PCDH7: variants seen among roughly 807,000 people sequenced by gnomAD.
PCDH7 encodes protocadherin 7, also known as protocadherin-7.
In PCDH7, 17 loss-of-function variants were observed where a neutral mutation model predicts 58.9. That is an observed-to-expected ratio of 0.29 (90% CI 0.20 to 0.43). The LOEUF is 0.43. Ranked by LOEUF, PCDH7 falls within the 20% of genes least tolerant of loss-of-function variation. The pLI, the probability that PCDH7 is intolerant of heterozygous loss-of-function variation, is 1.00. For synonymous variants in PCDH7, 664 were observed against 616.4 expected (o/e 1.08, Z -1.14); for missense variants, 1,274 against 1,441.0 (o/e 0.88, Z 1.88).
intron 3 of PCDH7, among the ~76,000 whole-genome samples, chr4:31,038,491 A>G (rs2109199624): frequency 6.6e-6 from 1 of 151,968 alleles, no homozygotes. Flanking sequence ...ATGGAATAAG[A>G]AATTATAAAG....
At chr4:30,883,585 A>T (rs553979587) in intron 1 of PCDH7, among the ~76,000 whole-genome samples, 1 of 152,206 alleles carries the variant, frequency 6.6e-6, no homozygotes, top group Non-Finnish European at 1.5e-5. Flanking sequence ...CATGCACAAT[A>T]TGACTGTAAC....
intron 1 of PCDH7, among the ~76,000 whole-genome samples, chr4:30,894,506 TATATATATATACACACACACAC>T (rs1739087530): frequency 2.0e-5 from 1 of 50,334 alleles, no homozygotes; most frequent in Admixed American, 2.8e-4. Flanking sequence ...TATATATATA[TATATATATATACACACACACAC>T]ACACACACAC....
intron 3 of PCDH7, among the ~76,000 whole-genome samples, chr4:31,104,720 A>G (rs1212213506): frequency 1.3e-5 from 2 of 152,176 alleles, no homozygotes; most frequent in Admixed American, 1.3e-4. Context: ...CTTTACAAAC[A>G]GCATCTGAAT....
intron 3 of PCDH7, among the ~76,000 whole-genome samples, chr4:31,080,185 T>C (rs1219018905): frequency 6.6e-6 from 1 of 152,196 alleles, no homozygotes; most frequent in Non-Finnish European, 1.5e-5. Context: ...TACCACTTTT[T>C]AAAATGCTAA....
chr4:30,776,190 C>A (rs181091795), intron 1 of PCDH7: 33 of 152,302 alleles, frequency 2.2e-4, no homozygotes, highest in African/African-American at 7.5e-4. Context: ...CCAAGTGTAT[C>A]TTTGGAAACT....
chr4:30,920,387 A>G lies in PCDH7; in HGVS notation c.287+18A>G, dbSNP rs775876973. On this transcript the variant is annotated intron_variant, in intron 2 of 3. Coordinates refer to the PCDH7 transcript ENST00000509759. ...GGAAAATGGTAGGGGCAAACACAAC[A>G]TCCACACACATAATCACGCTAGTGA... 68 of 1,359,374 alleles carry G rather than the reference A, an allele frequency of 5.0e-5. 1 individual carries two copies. In the South Asian group the frequency reaches 7.5e-4, roughly 15 times the overall value. The allele number at this position is 1,359,374 out of a possible 1,614,324, so 84.2% of individuals were successfully genotyped here.
chr4:31,061,255 T>A (rs1360832660), intron 3 of PCDH7, among the ~76,000 whole-genome samples: 1 of 151,762 alleles, frequency 6.6e-6, no homozygotes, highest in Non-Finnish European at 1.5e-5. Context: ...GATTTTATTT[T>A]AAAATCTCTT....
intron 3 of PCDH7, among the ~76,000 whole-genome samples, chr4:30,979,693 A>G (rs181413913): frequency 1.3e-5 from 2 of 151,896 alleles, no homozygotes; most frequent in East Asian, 1.9e-4. Context: ...TTATCGTTTC[A>G]CTTAGATGTT....
intron 1 of PCDH7, among the ~76,000 whole-genome samples, chr4:30,789,597 T>C (rs114190786): frequency 6.6e-6 from 1 of 152,286 alleles, no homozygotes; most frequent in Non-Finnish European, 1.5e-5. Flanking sequence ...AAAGCATGTA[T>C]AGAGGGTTTT....
intron 1 of PCDH7, among the ~76,000 whole-genome samples, chr4:30,875,719 GT>G (rs1253531801): frequency 1.3e-5 from 2 of 152,010 alleles, no homozygotes; most frequent in African/African-American, 4.8e-5. Context: ...ATCTGATTCC[GT>G]ATTTGCTTTG....
Position 30,721,974 on chromosome 4 carries a change from G to A in PCDH7, c.552G>A (p.Gln184=), listed in dbSNP as rs1713650411. ...GCATCGAGCGCTACGAGCTGCTCCA[G>A]GAGCCCGGAGGCGGCGGCAGCGGCG... The change falls in exon 1 of 2, where the codon CAG becomes CAA. Residue 184 remains glutamine (Q), a synonymous_variant. Coordinates refer to ENST00000361762, the Ensembl canonical transcript of PCDH7. This position sits in a 1 kb window ranked among gnomAD's most constrained non-coding sequence, Gnocchi z 6.7. 7.4e-7 allele frequency: 1 copy of A among 1,355,666 alleles called. No individual in the cohort carries two copies. Among genetic ancestry groups the A allele is most frequent in the Non-Finnish European group, 9.5e-7 (1 of 1,055,468 alleles). The allele number at this position is 1,355,666 out of a possible 1,614,324, so 84.0% of individuals were successfully genotyped here.
At chr4:30,786,156 A>T (rs1285511048) in intron 1 of PCDH7, among the ~76,000 whole-genome samples, 1 of 152,074 alleles carries the variant, frequency 6.6e-6, no homozygotes, top group Non-Finnish European at 1.5e-5. Flanking sequence ...TTCATCCTTG[A>T]CCAGAGATTA....
intron 2 of PCDH7, among the ~76,000 whole-genome samples, chr4:30,942,752 T>G (rs1746191931): frequency 6.6e-6 from 1 of 152,096 alleles, no homozygotes; most frequent in African/African-American, 2.4e-5. Context: ...CGTTGAAGTA[T>G]GTATTTATTT....
At chr4:30,968,287 A>ACT (rs199837200) in intron 3 of PCDH7, among the ~76,000 whole-genome samples, 1 of 113,026 alleles carries the variant, frequency 8.8e-6, no homozygotes. Flanking sequence ...GAAAAAAATT[A>ACT]CTCTCTCTCT....
intron 1 of PCDH7, among the ~76,000 whole-genome samples, chr4:30,869,667 T>G (rs555679868): frequency 1.3e-5 from 2 of 152,358 alleles, no homozygotes; most frequent in Admixed American, 1.3e-4. Flanking sequence ...CCACAGTTTC[T>G]TTATCCAGTC....
At chr4:30,753,670 C>A (rs1718868858) in intron 1 of PCDH7, among the ~76,000 whole-genome samples, 1 of 152,174 alleles carries the variant, frequency 6.6e-6, no homozygotes. Flanking sequence ...ATTTATTAAA[C>A]CCCTTGACTG....
At chr4:30,824,457 G>T (rs1323591103) in intron 1 of PCDH7, among the ~76,000 whole-genome samples, 1 of 151,954 alleles carries the variant, frequency 6.6e-6, no homozygotes, top group Non-Finnish European at 1.5e-5. Flanking sequence ...ATCCTTTTTG[G>T]ATGGATGGTA....
At chr4:31,007,586 GTT>G (rs763499360) in intron 3 of PCDH7, among the ~76,000 whole-genome samples, 9 of 142,504 alleles carry the variant, frequency 6.3e-5, no homozygotes, top group African/African-American at 1.8e-4. Context: ...TGGTTTTATG[GTT>G]TTTTTTTTTT....
At chr4:30,780,258 C>T (rs1307676531) in intron 1 of PCDH7, among the ~76,000 whole-genome samples, 1 of 152,030 alleles carries the variant, frequency 6.6e-6, no homozygotes, top group Non-Finnish European at 1.5e-5. Context: ...GTAATCCTAG[C>T]ACTTTGGGAG....
Sources: gnomAD v4.1 joint callset for allele counts (sites outside exome capture counted in the v4.1 genomes callset) on GRCh38, gnomAD v4.1.1 for gene constraint, Gnocchi (gnomAD v3.1) non-coding constraint, MANE v1.5 for transcripts, NCBI Gene and HGNC (gene_info 2026-07-23, HGNC 2026-07-21) for gene names.